PALS1: variants seen among roughly 807,000 people sequenced by gnomAD.
PALS1 encodes the protein protein associated with LIN7 1, MAGUK p55 family member, also known as protein PALS1.
A neutral mutation model predicts 78.9 loss-of-function variants in PALS1; 31 were observed. The observed-to-expected ratio is 0.39, with a 90% CI of 0.30 to 0.53. The LOEUF (loss-of-function observed/expected upper bound fraction) is 0.53. PALS1 is among the 20% of genes least tolerant of loss of function. The pLI is 0.67. For synonymous variants in PALS1, 276 were observed against 270.9 expected, an observed-to-expected ratio of 1.02 and a Z score of -0.18; for missense variants, 704 against 826.5, an observed-to-expected ratio of 0.85 and a Z score of 1.82.
intron 1 of PALS1, among the ~76,000 whole-genome samples, chr14:67,258,997 C>G (rs2084188836): frequency 1.3e-5 from 2 of 151,940 alleles, no homozygotes; most frequent in South Asian, 4.2e-4. Flanking sequence ...CGCGTGCCAC[C>G]ATGCCTGGCT....
intron 3 of PALS1, among the ~76,000 whole-genome samples, chr14:67,290,736 T>G (rs932230499): frequency 6.6e-6 from 1 of 152,052 alleles, no homozygotes; most frequent in Non-Finnish European, 1.5e-5. Context: ...GGCTTCGCCA[T>G]GTTGCCCAGG....
chr14:67,302,894 C>T (rs895665250), intron 7 of PALS1, among the ~76,000 whole-genome samples: 2 of 152,126 alleles, frequency 1.3e-5, no homozygotes, highest in African/African-American at 4.8e-5. Flanking sequence ...AAAACAAAGT[C>T]TGTGTCCTGA....
chr14:67,312,876 A>G (rs942444885), intron 9 of PALS1, among the ~76,000 whole-genome samples, 166 bp downstream of exon 9: 2 of 152,200 alleles, frequency 1.3e-5, no homozygotes, highest in African/African-American at 4.8e-5. Flanking sequence ...AGTATATTAA[A>G]TAGAATGTGG....
chr14:67,290,263 T>C (rs1236885343), intron 3 of PALS1, among the ~76,000 whole-genome samples: 1 of 151,986 alleles, frequency 6.6e-6, no homozygotes, highest in Non-Finnish European at 1.5e-5. Flanking sequence ...GAGAAACTTT[T>C]AAAGAAAGAT....
At chr14:67,305,286 A>T (rs950271636) in intron 8 of PALS1, among the ~76,000 whole-genome samples, 5 of 146,990 alleles carry the variant, frequency 3.4e-5, no homozygotes, top group African/African-American at 1.0e-4. Context: ...AAGTTAAGAC[A>T]TTTTTTTTTT....
chr14:67,293,712 A>G (rs1290162376), intron 4 of PALS1, among the ~76,000 whole-genome samples: 2 of 152,236 alleles, frequency 1.3e-5, no homozygotes, highest in Non-Finnish European at 2.9e-5. Context: ...ACGAGTACCA[A>G]TATATTTGGT....
chr14:67,334,738 C>A lies in PALS1; in HGVS notation c.*1782C>A, dbSNP rs1320234043. The A allele has an allele frequency of 1.3e-5, 2 of 152,158 alleles. No individual in the cohort carries two copies. The highest frequency in any genetic ancestry group is 6.6e-5 in the Admixed American group (1 of 15,266). The allele number at this position is 152,158 out of a possible 1,614,324, so 9.4% of individuals were successfully genotyped here. A position where few individuals can be genotyped will look rare whatever the true frequency, so the allele number is the denominator to read the frequency against. On this transcript the variant is annotated 3_prime_UTR_variant, in exon 15 of 15. Coordinates refer to ENST00000261681, the MANE Select transcript of PALS1 (RefSeq NM_022474.4). Reference sequence around the variant, plus strand: ...ACTGTCTCTTCAGATCTGAAATACTCCAGTTTAGAGCCAGGAAATTTCACA... The same window carrying A: ...ACTGTCTCTTCAGATCTGAAATACTACAGTTTAGAGCCAGGAAATTTCACA...
intron 2 of PALS1, among the ~76,000 whole-genome samples, chr14:67,278,616 C>T (rs1309730059): frequency 6.6e-6 from 1 of 152,162 alleles, no homozygotes; most frequent in Non-Finnish European, 1.5e-5. Context: ...TTATTTCAAT[C>T]CCATGTTAAT....
At chr14:67,243,586 G>A (rs1255797548) in intron 1 of PALS1, among the ~76,000 whole-genome samples, 4 of 146,970 alleles carry the variant, frequency 2.7e-5, no homozygotes, top group Admixed American at 2.1e-4. Flanking sequence ...TCTGCCTCCC[G>A]GGTTCACGCC....
rs1490856287 is a variant in PALS1 at position 67,317,443 on chromosome 14, A to G, written c.1333A>G (p.Arg445Gly). 6.2e-7 allele frequency: 1 copy of G among 1,612,234 alleles called. No individual in the cohort carries two copies. Among genetic ancestry groups the G allele is most frequent in the Admixed American group, 1.7e-5 (1 of 59,912 alleles). ...GTGTGCAAAGAAGAATAAAAAGAAG[A>G]GGAAAAAGGTTTTATATAATGCCAA... is the stretch of plus-strand genomic sequence containing the variant. ...LWCAKKNKKK[R>G]KKVLYNANKN... Residue 445 changes from arginine to glycine, a missense_variant, in exon 11 of 15, where the codon AGG (arginine) becomes GGG (glycine). Coordinates refer to ENST00000261681, the MANE Select transcript of PALS1 (RefSeq NM_022474.4).
intron 1 of PALS1, among the ~76,000 whole-genome samples, chr14:67,256,349 A>G (rs1344073384): frequency 1.3e-5 from 2 of 152,302 alleles, no homozygotes; most frequent in East Asian, 3.9e-4. Flanking sequence ...AAAGAGCTTC[A>G]TGCTCTAGTA....
At chr14:67,326,967 G>C (rs1006732308) in intron 14 of PALS1, among the ~76,000 whole-genome samples, 1 of 151,970 alleles carries the variant, frequency 6.6e-6, no homozygotes, top group Non-Finnish European at 1.5e-5. Flanking sequence ...TTGAGGTGAG[G>C]AGTTTGAGAC....
At chr14:67,252,308 T>C (rs2084077365) in intron 1 of PALS1, among the ~76,000 whole-genome samples, 1 of 151,956 alleles carries the variant, frequency 6.6e-6, no homozygotes. Context: ...TGCACCACCA[T>C]ACCTAGCTAA....
chr14:67,324,110 T>A (rs1379431871), intron 14 of PALS1, among the ~76,000 whole-genome samples: 1 of 152,194 alleles, frequency 6.6e-6, no homozygotes, highest in Non-Finnish European at 1.5e-5. Flanking sequence ...ATTACTGACT[T>A]TTCTCTGTAG....
At chr14:67,257,237 A>G (rs563400762) in intron 1 of PALS1, among the ~76,000 whole-genome samples, 314 of 152,304 alleles carry the variant, frequency 2.1e-3, no homozygotes, top group African/African-American at 7.0e-3. Flanking sequence ...TACATAAACC[A>G]TAGGGCAGAG....
At chr14:67,252,817 A>G (rs895411280) in intron 1 of PALS1, among the ~76,000 whole-genome samples, 3 of 152,246 alleles carry the variant, frequency 2.0e-5, no homozygotes, top group African/African-American at 7.2e-5. Flanking sequence ...TGAGCTAAAT[A>G]TTAGAGACTG....
chr14:67,271,156 G>A (rs1049406452), intron 2 of PALS1: 1 of 152,144 alleles, frequency 6.6e-6, no homozygotes, highest in South Asian at 2.1e-4. Context: ...CAGGTATCAC[G>A]GCTATAGAGG....
At chr14:67,319,814 T>A (rs1178314490) in intron 11 of PALS1, among the ~76,000 whole-genome samples, 1 of 152,204 alleles carries the variant, frequency 6.6e-6, no homozygotes. Context: ...CGGTCTATGC[T>A]AGCCATTGTA....
At chr14:67,300,787 TA>T (rs1325489377) in intron 4 of PALS1, among the ~76,000 whole-genome samples, 1 of 152,194 alleles carries the variant, frequency 6.6e-6, no homozygotes, top group Admixed American at 6.5e-5. Flanking sequence ...TCCATTATAT[TA>T]TGGTGATTGT....
Sources: gnomAD v4.1 joint callset for allele counts (sites outside exome capture counted in the v4.1 genomes callset) on GRCh38, gnomAD v4.1.1 for gene constraint, MANE v1.5 for transcripts, NCBI Gene and HGNC (gene_info 2026-07-23, HGNC 2026-07-21) for gene names.